IMMT: variants seen among roughly 807,000 people sequenced by gnomAD.
The protein encoded by IMMT is inner membrane mitochondrial protein.
In IMMT, 40 loss-of-function variants were observed where a neutral mutation model predicts 92.7. That is an observed-to-expected ratio of 0.43 (90% confidence interval 0.34 to 0.56). IMMT has a LOEUF of 0.56. IMMT is among the 20% of genes least tolerant of loss of function. The probability of loss-of-function intolerance (pLI) is 0.03; values close to 1 mark genes in which losing one functional copy is unlikely to be tolerated. For synonymous variants in IMMT, 322 were observed against 336.1 expected (o/e 0.96, Z 0.46); for missense variants, 831 against 912.1 (o/e 0.91, Z 1.14).
rs1393852346 is a variant in IMMT, at chr2:86,144,142, T to C, written c.*126A>G. The C allele has an allele frequency of 9.8e-7, 1 of 1,017,056 alleles. No homozygotes were observed. Among genetic ancestry groups the C allele is most frequent in the African/African-American group, 1.6e-5 (1 of 61,990 alleles). 63.0% of individuals were successfully genotyped at this position (1,017,056 alleles called of 1,614,324 possible). On this transcript the variant is annotated 3_prime_UTR_variant, in exon 15 of 15. Coordinates refer to ENST00000410111, the MANE Select transcript of IMMT (RefSeq NM_006839.3). ...AATATAAATGCAACAGGTGTTAACATTTAGAACAGTACTTGTAAACCTGCT... is the reference window on the plus strand; with the variant it reads ...AATATAAATGCAACAGGTGTTAACACTTAGAACAGTACTTGTAAACCTGCT...
intron 2 of IMMT, among the ~76,000 whole-genome samples, chr2:86,180,800 T>C (rs1432046559): frequency 6.6e-6 from 1 of 151,108 alleles, no homozygotes; most frequent in Non-Finnish European, 1.5e-5. Context: ...GGCAGAAAAA[T>C]CGCTTGAACC....
At chr2:86,149,014 A>G (rs374073141) in intron 12 of IMMT, among the ~76,000 whole-genome samples, 19 of 151,800 alleles carry the variant, frequency 1.3e-4, no homozygotes, top group African/African-American at 4.4e-4. Flanking sequence ...AACAAAAAAG[A>G]CATCTGAGAT....
intron 6 of IMMT, among the ~76,000 whole-genome samples, chr2:86,167,833 T>C (rs1676821933): frequency 1.3e-5 from 2 of 152,182 alleles, no homozygotes; most frequent in South Asian, 4.1e-4. Flanking sequence ...AAGTGTTTTT[T>C]TTTTTCAAAA....
chr2:86,151,388 T>G lies in IMMT; in HGVS notation c.1310A>C (p.Gln437Pro). 6.2e-7 allele frequency: 1 copy of G among 1,614,060 alleles called. No individual in the cohort carries two copies. The highest frequency in any genetic ancestry group is 8.5e-7 in the Non-Finnish European group (1 of 1,179,912). The change falls in exon 12 of 15, where the codon CAA becomes CCA. Residue 437 changes from glutamine to proline, a missense_variant. Gln to Pro is a moderately conservative substitution (Grantham distance 76). Coordinates refer to ENST00000410111, the MANE Select transcript of IMMT (RefSeq NM_006839.3). ...KQHITLALEK[Q>P]KLEEKRAFDS... is the part of the protein sequence containing the mutation. ...AAATGCCCGCTTTTCTTCCAGCTTT[T>G]GTTTCTCCAAGGCTAACGTGATGTG...
chr2:86,195,406 T>C lies in IMMT; in HGVS notation c.-24A>G, dbSNP rs371237578. Reference sequence around the variant, plus strand: ...ATCTCGGTCAAGCGGACGGCGCTGCTGGTGGACTCGAGCTGCCGCGGCGGC... The same window carrying C: ...ATCTCGGTCAAGCGGACGGCGCTGCCGGTGGACTCGAGCTGCCGCGGCGGC... On this transcript the variant is annotated 5_prime_UTR_variant, in exon 1 of 15. Transcript: ENST00000410111. 8.3e-5 allele frequency: 128 copies of C among 1,545,848 alleles called. No homozygotes were observed. In the African/African-American group the frequency reaches 1.5e-3, roughly 19 times the overall value.
At chr2:86,180,491 C>A (rs1306193237) in intron 2 of IMMT, among the ~76,000 whole-genome samples, 3 of 150,670 alleles carry the variant, frequency 2.0e-5, no homozygotes, top group African/African-American at 7.3e-5. Flanking sequence ...GTCTCAAACT[C>A]CTGACCTCAG....
chr2:86,184,422 T>C (rs1305917752), intron 1 of IMMT, among the ~76,000 whole-genome samples: 1 of 152,178 alleles, frequency 6.6e-6, no homozygotes, highest in Non-Finnish European at 1.5e-5. Context: ...GCAATCCTCC[T>C]ACCTTGGCCT....
chr2:86,182,939 C>T (rs576407848), intron 1 of IMMT, among the ~76,000 whole-genome samples: 1 of 152,036 alleles, frequency 6.6e-6, no homozygotes, highest in African/African-American at 2.4e-5. Context: ...ATTACCTACC[C>T]TGTAGAATTC....
intron 6 of IMMT, among the ~76,000 whole-genome samples, chr2:86,168,529 A>T (rs940236603): frequency 2.0e-5 from 3 of 152,180 alleles, no homozygotes; most frequent in African/African-American, 7.2e-5. Context: ...AGGCTGAGGC[A>T]GGAAAATCGC....
At chr2:86,158,041 T>C (rs906645534) in intron 10 of IMMT, among the ~76,000 whole-genome samples, 2 of 152,196 alleles carry the variant, frequency 1.3e-5, no homozygotes, top group Non-Finnish European at 2.9e-5. Flanking sequence ...AATGTGACTA[T>C]AGCTACACCA....
chr2:86,159,662 T>C lies in IMMT; in HGVS notation c.906A>G (p.Leu302=), dbSNP rs200295797. The C allele has an allele frequency of 2.8e-5, 44 of 1,559,616 alleles. No homozygotes were observed. Among genetic ancestry groups the C allele is most frequent in the Non-Finnish European group, 4.3e-6 (5 of 1,161,362 alleles). ...TTTCAATCACACTTTTCATCTTCTC[T>C]AACTCTTCTCTGGAAACCAACAAAA... The part of the protein sequence containing the change: ...ADALLKAKEE[L]EKMKSVIENA... Residue 302 remains leucine, a synonymous_variant, in exon 9 of 15, where the codon TTA becomes TTG. Coordinates refer to ENST00000410111, the MANE Select transcript of IMMT (RefSeq NM_006839.3).
intron 1 of IMMT, among the ~76,000 whole-genome samples, chr2:86,188,435 A>G (rs935065224): frequency 6.6e-6 from 1 of 151,990 alleles, no homozygotes. Flanking sequence ...ATATATGTAT[A>G]TATGTGGAGA....
At chr2:86,182,871 A>C (rs975951589) in intron 1 of IMMT, among the ~76,000 whole-genome samples, 2 of 151,862 alleles carry the variant, frequency 1.3e-5, no homozygotes, top group East Asian at 3.9e-4. Flanking sequence ...CTTAAAAAAA[A>C]AAACAAAAAC....
At position 86,144,057 on chromosome 2, in the gene IMMT, G is replaced by T; in HGVS notation, c.*211C>A. 1.6e-6 allele frequency: 1 copy of T among 610,642 alleles called. No homozygotes were observed. Among genetic ancestry groups the T allele is most frequent in the Middle Eastern group, 4.4e-4 (1 of 2,296 alleles). 37.8% of individuals were successfully genotyped at this position (610,642 alleles called of 1,614,324 possible). ...AGTAAAACCTGAAAAAACAGAAAAT[G>T]TTACACAAGTTGCAAAGAAAGCACT... is the stretch of plus-strand genomic sequence containing the variant. On this transcript the variant is annotated 3_prime_UTR_variant, in exon 15 of 15. Coordinates refer to ENST00000410111, the MANE Select transcript of IMMT (RefSeq NM_006839.3).
intron 2 of IMMT, among the ~76,000 whole-genome samples, chr2:86,180,462 C>CA (rs1472125902): frequency 1.4e-4 from 21 of 148,904 alleles, no homozygotes; most frequent in African/African-American, 5.1e-4. Context: ...GACGGGGTTT[C>CA]ACCAAGTTGG....
chr2:86,167,167 C>T (rs62150072), intron 6 of IMMT, among the ~76,000 whole-genome samples: 60,827 of 141,746 alleles, frequency 0.43, 14,109 homozygotes, highest in Non-Finnish European at 0.51. Flanking sequence ...AGCTTTATTA[C>T]ACTTCTTTTT....
intron 12 of IMMT, 109 bp downstream of exon 12, chr2:86,151,188 G>A (rs544316063): frequency 5.1e-5 from 48 of 944,984 alleles, no homozygotes; most frequent in South Asian, 4.2e-4. Context: ...AAAGTGCCGC[G>A]ATTACAGGCA....
chr2:86,166,790 T>A, intron 6 of IMMT, 146 bp from the exon 7 acceptor site: 2 of 790,488 alleles, frequency 2.5e-6, no homozygotes, highest in South Asian at 4.1e-5. Flanking sequence ...ATTTAGGGAA[T>A]CAAAGTTTCA....
intron 3 of IMMT, among the ~76,000 whole-genome samples, chr2:86,173,982 TAGTA>T (rs1022317083): frequency 2.0e-5 from 3 of 152,360 alleles, no homozygotes; most frequent in Middle Eastern, 3.4e-3. Flanking sequence ...CATATTTTAA[TAGTA>T]ACAAAGGTTT....
Sources: allele counts gnomAD v4.1 joint callset (sites outside exome capture counted in the v4.1 genomes callset), GRCh38; gene constraint gnomAD v4.1.1; transcripts MANE v1.5; gene names NCBI Gene and HGNC (gene_info 2026-07-23, HGNC 2026-07-21).